Variants in CACNB2 observed in about 807,000 individuals in gnomAD.
The protein encoded by CACNB2 is calcium voltage-gated channel auxiliary subunit beta 2, also known as voltage-dependent L-type calcium channel subunit beta-2.
A neutral mutation model predicts 73.3 loss-of-function variants in CACNB2; 42 were observed. That is an observed-to-expected ratio of 0.57 (90% CI 0.45 to 0.74). CACNB2 has a LOEUF of 0.74. Ranked by LOEUF, CACNB2 falls within the 30% of genes least tolerant of loss-of-function variation. The pLI is 0.00. For synonymous variants in CACNB2, 348 were observed against 310.3 expected, an observed-to-expected ratio of 1.12 and a Z score of -1.28; for missense variants, 940 against 853.0, an observed-to-expected ratio of 1.10 and a Z score of -1.27.
intron 2 of CACNB2, among the ~76,000 whole-genome samples, chr10:18,266,554 A>T (rs968705148): frequency 2.6e-5 from 4 of 151,986 alleles, no homozygotes; most frequent in Non-Finnish European, 5.9e-5. Context: ...CTCACAATTC[A>T]TACTTTTTAC....
intron 2 of CACNB2, among the ~76,000 whole-genome samples, chr10:18,228,802 C>T (rs1056511710): frequency 2.0e-5 from 3 of 152,052 alleles, no homozygotes; most frequent in Non-Finnish European, 4.4e-5. Flanking sequence ...TGCAATGGTG[C>T]GATCCCAGCT....
At chr10:18,344,921 G>T (rs953268839) in intron 2 of CACNB2, among the ~76,000 whole-genome samples, 1 of 152,174 alleles carries the variant, frequency 6.6e-6, no homozygotes, top group Non-Finnish European at 1.5e-5. Flanking sequence ...TATTTTTATA[G>T]TTGTAACTGC....
At chr10:18,384,572 A>G (rs2043146455) in intron 2 of CACNB2, among the ~76,000 whole-genome samples, 1 of 152,032 alleles carries the variant, frequency 6.6e-6, no homozygotes, top group African/African-American at 2.4e-5. Flanking sequence ...CAAAAAAAGA[A>G]AAAAACAATT....
intron 2 of CACNB2, among the ~76,000 whole-genome samples, chr10:18,336,380 A>G (rs936762336): frequency 1.3e-5 from 2 of 152,204 alleles, no homozygotes; most frequent in Non-Finnish European, 2.9e-5. Flanking sequence ...ACACTTTGGG[A>G]GGCCAAGGTG....
At position 18,513,256 on chromosome 10, in the gene CACNB2, G is replaced by T. The variant is rs183434313; in HGVS notation, c.671-980G>T. The T allele has an allele frequency of 2.2e-3, 347 of 160,650 alleles. 1 individual carries two copies. Among genetic ancestry groups the T allele is most frequent in the Non-Finnish European group, 3.8e-3 (278 of 73,534 alleles). The allele number at this position is 160,650 out of a possible 1,614,324, so 10.0% of individuals were successfully genotyped here. On this transcript the variant is annotated intron_variant, in intron 6 of 13. Transcript: ENST00000324631. ...TTCATTGTTGTTGCACAGAATAAGA[G>T]AAGATGCTTCCAAACAACAATTTAT...
chr10:18,321,716 G>A (rs569743864), intron 2 of CACNB2, among the ~76,000 whole-genome samples: 3 of 152,262 alleles, frequency 2.0e-5, no homozygotes, highest in East Asian at 3.9e-4. Context: ...TTGGTGTTTG[G>A]TATTTTAATC....
intron 2 of CACNB2, among the ~76,000 whole-genome samples, chr10:18,231,881 A>G (rs1250625987): frequency 6.6e-6 from 1 of 152,252 alleles, no homozygotes; most frequent in East Asian, 1.9e-4. Flanking sequence ...GTAAGCAACA[A>G]GAAGTATTTC....
intron 3 of CACNB2, among the ~76,000 whole-genome samples, chr10:18,423,511 C>T (rs906151984): frequency 1.3e-5 from 2 of 152,156 alleles, no homozygotes; most frequent in African/African-American, 4.8e-5. Flanking sequence ...AAGCCCAGTT[C>T]CTGCAAAGCT....
intron 3 of CACNB2, among the ~76,000 whole-genome samples, chr10:18,462,628 C>A (rs2047643540): frequency 6.6e-6 from 1 of 152,188 alleles, no homozygotes; most frequent in Non-Finnish European, 1.5e-5. Flanking sequence ...ATACCTTTCC[C>A]TGTCCCTCAA....
At chr10:18,478,386 A>T (rs1002389986) in intron 3 of CACNB2, among the ~76,000 whole-genome samples, 1 of 152,224 alleles carries the variant, frequency 6.6e-6, no homozygotes, top group South Asian at 2.1e-4. Context: ...ATTGTCTCCA[A>T]TTGCGACATT....
chr10:18,382,349 G>A (rs1311085543), intron 2 of CACNB2, among the ~76,000 whole-genome samples: 2 of 151,070 alleles, frequency 1.3e-5, no homozygotes, highest in Non-Finnish European at 2.9e-5. Context: ...GTATTCTTCG[G>A]TGAGTTAGCT....
At chr10:18,378,169 A>T (rs1410906781) in intron 2 of CACNB2, among the ~76,000 whole-genome samples, 4 of 152,184 alleles carry the variant, frequency 2.6e-5, no homozygotes, top group African/African-American at 9.7e-5. Context: ...TAATTATAAT[A>T]AACTTCTCCC....
rs2228646 is a variant in CACNB2, at chr10:18,539,412, G to A, written c.1671G>A (p.Ser557=). 1.8e-5 allele frequency: 29 copies of A among 1,614,030 alleles called. No homozygotes were observed. In the Admixed American group the frequency reaches 1.8e-4, roughly 10 times the overall value. The change falls in exon 14 of 14, where the codon TCG becomes TCA. Residue 557 remains serine (S), a synonymous_variant. Transcript: ENST00000324631. ...RGLSRQETFD[S]ETQESRDSAY... ...TCTCCAGGCAAGAGACATTTGACTC[G>A]GAAACCCAGGAGAGTCGAGACTCTG...
At position 18,411,412 on chromosome 10, in the gene CACNB2, A is replaced by C. The variant is rs76422526; in HGVS notation, c.333+9369A>C. 9.9e-4 allele frequency among the ~76,000 whole-genome samples: 150 copies of C among 152,280 alleles called. 1 individual carries two copies. The East Asian group carries it at 0.021, about 22-fold the overall frequency. On this transcript the variant is annotated intron_variant, in intron 3 of 13. Coordinates refer to ENST00000324631, the MANE Select transcript of CACNB2 (RefSeq NM_201596.3). The stretch of plus-strand genomic sequence containing the variant: ...ATGTTAATTGATGATAATATTAATA[A>C]TGACAACAGTAATAGCACTTAATGC...
intron 2 of CACNB2, among the ~76,000 whole-genome samples, chr10:18,274,675 T>C (rs189106832): frequency 1.3e-5 from 2 of 152,294 alleles, no homozygotes; most frequent in East Asian, 3.9e-4. Flanking sequence ...TGTATTATTT[T>C]AAATAACCTT....
chr10:18,467,131 G>A (rs2047936263), intron 3 of CACNB2, among the ~76,000 whole-genome samples: 1 of 152,132 alleles, frequency 6.6e-6, no homozygotes, highest in African/African-American at 2.4e-5. Flanking sequence ...TACAGCCCAG[G>A]CAACAGAGCA....
intron 3 of CACNB2, among the ~76,000 whole-genome samples, chr10:18,419,409 C>T (rs896173533): frequency 6.6e-6 from 1 of 152,170 alleles, no homozygotes; most frequent in African/African-American, 2.4e-5. Flanking sequence ...CAACCATTCT[C>T]TTCAACTCTT....
chr10:18,178,605 C>G (rs2033720492), intron 2 of CACNB2, among the ~76,000 whole-genome samples: 1 of 152,068 alleles, frequency 6.6e-6, no homozygotes, highest in South Asian at 2.1e-4. Context: ...GTTCTTTTCC[C>G]TATTTGCTTG....
At chr10:18,317,708 T>C (rs1467127000) in intron 2 of CACNB2, among the ~76,000 whole-genome samples, 5 of 152,196 alleles carry the variant, frequency 3.3e-5, no homozygotes, top group African/African-American at 1.2e-4. Flanking sequence ...TGAGTGCAGG[T>C]GTCTTTTGGT....
Sources: allele counts gnomAD v4.1 joint callset (sites outside exome capture counted in the v4.1 genomes callset), GRCh38; gene constraint gnomAD v4.1.1; transcripts MANE v1.5; gene names NCBI Gene and HGNC (gene_info 2026-07-23, HGNC 2026-07-21).